Variants in STK32A observed in about 807,000 individuals in gnomAD.
The protein encoded by STK32A is serine/threonine kinase 32A.
Under a neutral mutation model 53.2 loss-of-function variants are expected in STK32A, and 41 were observed. That is an observed-to-expected ratio of 0.77 (90% CI 0.60 to 1.00). STK32A has a LOEUF of 1.00. Among genes scored for constraint, STK32A ranks in the 50% least tolerant of loss-of-function variants. STK32A has a pLI of 0.00. For synonymous variants in STK32A, 166 were observed against 162.8 expected (o/e 1.02, Z -0.15); for missense variants, 458 against 485.8 (o/e 0.94, Z 0.54).
chr5:147,395,471 T>C, the STK32A span: 4 of 1,493,364 alleles, frequency 2.7e-6, no homozygotes, highest in Non-Finnish European at 3.6e-6. Context: ...CTCCTTCAGG[T>C]TGAGTTCTGA....
At chr5:147,335,791 A>G (rs1426407106) in intron 5 of STK32A, among the ~76,000 whole-genome samples, 4 of 151,772 alleles carry the variant, frequency 2.6e-5, no homozygotes, top group Admixed American at 1.3e-4. Flanking sequence ...GTGTGTGTGT[A>G]TGTGTGTGTG....
intron 4 of STK32A, among the ~76,000 whole-genome samples, chr5:147,317,747 C>A (rs1056636219): frequency 2.0e-5 from 3 of 152,116 alleles, no homozygotes; most frequent in Non-Finnish European, 4.4e-5. Flanking sequence ...TTGTTTGAAT[C>A]CAACTCTAGC....
At chr5:147,336,159 T>C (rs932650891) in intron 5 of STK32A, among the ~76,000 whole-genome samples, 6 of 152,210 alleles carry the variant, frequency 3.9e-5, no homozygotes, top group African/African-American at 1.4e-4. Flanking sequence ...TGTGTATATG[T>C]ACCCATATAT....
intron 11 of STK32A, among the ~76,000 whole-genome samples, chr5:147,377,803 G>A (rs991482993): frequency 5.3e-5 from 8 of 151,958 alleles, no homozygotes; most frequent in Admixed American, 6.6e-5. Context: ...AGTGCTTTCC[G>A]GAGTTTTGAC....
intron 6 of STK32A, chr5:147,348,977 G>A (rs886158647): frequency 4.3e-6 from 2 of 460,014 alleles, no homozygotes; most frequent in African/African-American, 4.0e-5. Context: ...ACCTAGACTT[G>A]AAGCCAAGCA....
chr5:147,261,924 A>G (rs566259084), intron 2 of STK32A, among the ~76,000 whole-genome samples: 1 of 152,286 alleles, frequency 6.6e-6, no homozygotes, highest in South Asian at 2.1e-4. Flanking sequence ...TCAGCGATTC[A>G]TAGTTGCCTT....
rs114696006 is a variant in STK32A, at chr5:147,334,090, C to A, written c.435-8916C>A. ...TTTCCAGATAATTGTGAAACAACTACGGGCCATTACAAAACCATAGGAAAT... is the reference window on the plus strand; with the variant it reads ...TTTCCAGATAATTGTGAAACAACTAAGGGCCATTACAAAACCATAGGAAAT... On this transcript the variant is annotated intron_variant, in intron 5 of 12. Coordinates refer to ENST00000397936, the MANE Select transcript of STK32A (RefSeq NM_001112724.2). 7.8e-4 allele frequency among the ~76,000 whole-genome samples: 118 copies of A among 152,168 alleles called. 1 individual carries two copies. Among genetic ancestry groups the A allele is most frequent in the African/African-American group, 2.8e-3 (117 of 41,502 alleles).
chr5:147,362,903 G>T (rs1756572720), intron 8 of STK32A, among the ~76,000 whole-genome samples: 1 of 151,786 alleles, frequency 6.6e-6, no homozygotes, highest in Non-Finnish European at 1.5e-5. Context: ...GGCCACATGG[G>T]AGACCCTGTG....
chr5:147,356,861 T>C (rs1470060942), intron 7 of STK32A, among the ~76,000 whole-genome samples: 1 of 152,192 alleles, frequency 6.6e-6, no homozygotes, highest in Non-Finnish European at 1.5e-5. Context: ...AAATAGGGGA[T>C]ACTCAACCTG....
chr5:147,242,240 G>A (rs1402351837), intron 2 of STK32A, among the ~76,000 whole-genome samples: 1 of 152,170 alleles, frequency 6.6e-6, no homozygotes, highest in Non-Finnish European at 1.5e-5. Flanking sequence ...AAAGGTGCTA[G>A]GCTCTCTGTC....
intron 2 of STK32A, among the ~76,000 whole-genome samples, chr5:147,248,915 G>C (rs573169739): frequency 1.3e-4 from 20 of 148,346 alleles, no homozygotes; most frequent in African/African-American, 5.0e-4. Context: ...CATTTGAAAT[G>C]ATGAAGTAAT....
At chr5:147,365,615 C>T (rs1315461824) in intron 8 of STK32A, among the ~76,000 whole-genome samples, 1 of 151,844 alleles carries the variant, frequency 6.6e-6, no homozygotes, top group African/African-American at 2.4e-5. Flanking sequence ...CTGCTCTTTC[C>T]CACTTCACCC....
At chr5:147,284,267 T>C (rs1408571259) in intron 4 of STK32A, among the ~76,000 whole-genome samples, 1 of 152,090 alleles carries the variant, frequency 6.6e-6, no homozygotes, top group Non-Finnish European at 1.5e-5. Flanking sequence ...ACAAGGGACA[T>C]AGGCCTTAAT....
chr5:147,365,785 C>A (rs902373828), intron 8 of STK32A, among the ~76,000 whole-genome samples: 1 of 152,066 alleles, frequency 6.6e-6, no homozygotes, highest in Non-Finnish European at 1.5e-5. Flanking sequence ...TTGAAACAGA[C>A]AAACGACTAT....
intron 5 of STK32A, among the ~76,000 whole-genome samples, chr5:147,325,584 T>A (rs1264149590): frequency 1.3e-5 from 2 of 152,202 alleles, no homozygotes; most frequent in Non-Finnish European, 2.9e-5. Context: ...CCCTCTACAT[T>A]TAGTTTTTAT....
Position 147,323,951 on chromosome 5 carries a change from G to A in STK32A, c.314G>A (p.Gly105Asp). Residue 105 changes from glycine to aspartate, a missense_variant, in exon 5 of 13, where the codon GGT (glycine) becomes GAT (aspartate). By Grantham distance (94) the Gly-to-Asp change is moderately conservative (BLOSUM62 -1). Coordinates refer to ENST00000397936, the MANE Select transcript of STK32A (RefSeq NM_001112724.2). ...TTCATGGTGGTGGACCTCCTGCTGGGTGGAGACCTGCGTTATCACCTGCAA... is the reference window on the plus strand; with the variant it reads ...TTCATGGTGGTGGACCTCCTGCTGGATGGAGACCTGCGTTATCACCTGCAA... ...DMFMVVDLLL[G>D]GDLRYHLQQN... is the part of the protein sequence containing the mutation. 1 of 1,613,642 alleles carries A rather than the reference G, an allele frequency of 6.2e-7. No individual in the cohort carries two copies. The highest frequency in any genetic ancestry group is 1.1e-5 in the South Asian group (1 of 90,894).
At chr5:147,375,474 C>T (rs1330193042) in intron 11 of STK32A, 3 of 326,206 alleles carry the variant, frequency 9.2e-6, no homozygotes, top group South Asian at 6.8e-5. Context: ...TTCCAGTTCT[C>T]AATTCAAAAT....
intron 6 of STK32A, among the ~76,000 whole-genome samples, chr5:147,343,675 G>A (rs1581118930): frequency 6.6e-6 from 1 of 152,150 alleles, no homozygotes; most frequent in African/African-American, 2.4e-5. Context: ...GTGGTCATGG[G>A]TTTCTCCCCT....
intron 2 of STK32A, among the ~76,000 whole-genome samples, chr5:147,242,911 G>T (rs1753637772): frequency 1.3e-5 from 2 of 152,092 alleles, no homozygotes; most frequent in South Asian, 4.1e-4. Context: ...TGAAGCTCCT[G>T]ACCAAGAAAA....
Sources: allele counts gnomAD v4.1 joint callset (sites outside exome capture counted in the v4.1 genomes callset), GRCh38; gene constraint gnomAD v4.1.1; transcripts MANE v1.5; gene names NCBI Gene and HGNC (gene_info 2026-07-23, HGNC 2026-07-21).